LINGO2: variants seen among roughly 807,000 people sequenced by gnomAD.
LINGO2 encodes leucine-rich repeat and immunoglobulin-like domain-containing nogo receptor-interacting protein 2.
LINGO2 carries 14 observed loss-of-function variants against 30.6 expected under a neutral mutation model. The ratio of observed to expected loss-of-function variants is 0.46; its 90% CI spans 0.30 to 0.72. LINGO2 has a LOEUF of 0.72. Ranked by LOEUF, LINGO2 falls within the 30% of genes least tolerant of loss-of-function variation. LINGO2 has a pLI of 0.07. For synonymous variants in LINGO2, 317 were observed against 288.5 expected, an observed-to-expected ratio of 1.10 and a Z score of -1.00; for missense variants, 729 against 751.7, an observed-to-expected ratio of 0.97 and a Z score of 0.35.
At chr9:28,905,101 T>G in the LINGO2 span, among the ~76,000 whole-genome samples, 1 of 151,904 alleles carries the variant, frequency 6.6e-6, no homozygotes, top group African/African-American at 2.4e-5. Flanking sequence ...TGGAGCTATA[T>G]CTCACATGAT....
At chr9:29,030,202 G>T in the LINGO2 span, among the ~76,000 whole-genome samples, 3 of 152,030 alleles carry the variant, frequency 2.0e-5, no homozygotes, top group Middle Eastern at 6.8e-3. Flanking sequence ...AAAGATATTT[G>T]CCATTTTCCT....
intron 4 of LINGO2, among the ~76,000 whole-genome samples, chr9:28,150,769 A>G (rs1189452897): frequency 3.3e-5 from 5 of 152,186 alleles, no homozygotes; most frequent in African/African-American, 9.7e-5. Flanking sequence ...CCAAAATAAG[A>G]TAGTAAGCAG....
the LINGO2 span, among the ~76,000 whole-genome samples, chr9:29,187,887 AATGTAGCTG>A: frequency 0.021 from 3,200 of 151,122 alleles, 53 homozygotes; most frequent in Middle Eastern, 0.048. Context: ...CTTTACCAGA[AATGTAGCTG>A]ATGTCAGCAT....
chr9:28,675,126 C>T (rs78273651), upstream of LINGO2, among the ~76,000 whole-genome samples: 1,253 of 152,090 alleles, frequency 8.2e-3, 30 homozygotes, highest in Admixed American at 0.036. Context: ...TAATTTATTC[C>T]TCAAGAAATA....
chr9:28,473,898 G>GA (rs202071273), intron 2 of LINGO2, among the ~76,000 whole-genome samples: 72 of 150,758 alleles, frequency 4.8e-4, no homozygotes, highest in East Asian at 7.8e-4. Context: ...GCACTGCTAA[G>GA]AAAAAAAAAC....
chr9:27,986,001 G>T (rs1563883621), intron 5 of LINGO2, among the ~76,000 whole-genome samples: 1 of 151,778 alleles, frequency 6.6e-6, no homozygotes. Flanking sequence ...CAAAGGAGAG[G>T]CAATGTTATT....
At chr9:28,373,707 C>G (rs1449817105) in intron 2 of LINGO2, among the ~76,000 whole-genome samples, 1 of 152,028 alleles carries the variant, frequency 6.6e-6, no homozygotes, top group Non-Finnish European at 1.5e-5. Flanking sequence ...CAAGACCAGC[C>G]TGGCCAACAT....
intron 5 of LINGO2, among the ~76,000 whole-genome samples, chr9:28,003,346 G>GATATATAGATAT: frequency 1.2e-5 from 1 of 81,628 alleles, no homozygotes; most frequent in African/African-American, 5.6e-5. Context: ...TAGATATATA[G>GATATATAGATAT]ATAGATAGAT....
At chr9:28,487,062 GA>G (rs759012345) in intron 1 of LINGO2, among the ~76,000 whole-genome samples, 1 of 152,090 alleles carries the variant, frequency 6.6e-6, no homozygotes, top group Non-Finnish European at 1.5e-5. Flanking sequence ...ACCATAGAAA[GA>G]AAAAGTGGAG....
chr9:27,948,978 A>G, exon 6 of LINGO2: 1 of 1,614,026 alleles, frequency 6.2e-7, no homozygotes, highest in Non-Finnish European at 8.5e-7. Flanking sequence ...TCGGCTCCAC[A>G]CAAAAAGGAG....
At chr9:29,034,082 CA>C in the LINGO2 span, among the ~76,000 whole-genome samples, 6 of 141,270 alleles carry the variant, frequency 4.2e-5, no homozygotes, top group Admixed American at 7.1e-5. Context: ...GATTCCACCT[CA>C]AAAAAAAAAG....
At chr9:28,483,474 C>G (rs1826053878) in intron 1 of LINGO2, among the ~76,000 whole-genome samples, 1 of 151,534 alleles carries the variant, frequency 6.6e-6, no homozygotes. Flanking sequence ...TGAGTTCCAT[C>G]ATGGAACTTT....
At chr9:29,078,892 T>C in the LINGO2 span, among the ~76,000 whole-genome samples, 3 of 151,924 alleles carry the variant, frequency 2.0e-5, no homozygotes, top group Admixed American at 2.0e-4. Context: ...GCTGAATTTT[T>C]TTTAACAATT....
chr9:28,524,385 A>C (rs1820936150), intron 1 of LINGO2, among the ~76,000 whole-genome samples: 1 of 152,226 alleles, frequency 6.6e-6, no homozygotes, highest in South Asian at 2.1e-4. Context: ...CATCAAAAGC[A>C]CACATAATAA....
At chr9:28,939,216 G>GA in the LINGO2 span, among the ~76,000 whole-genome samples, 1 of 151,792 alleles carries the variant, frequency 6.6e-6, no homozygotes, top group Admixed American at 6.6e-5. Context: ...TGACAACAGT[G>GA]AAAAAGTGAC....
At chr9:29,026,332 T>C in the LINGO2 span, among the ~76,000 whole-genome samples, 2 of 152,236 alleles carry the variant, frequency 1.3e-5, no homozygotes, top group South Asian at 4.1e-4. Context: ...CCATGATGAG[T>C]TGCTTAAAGG....
At chr9:28,803,313 G>A in the LINGO2 span, among the ~76,000 whole-genome samples, 33 of 151,382 alleles carry the variant, frequency 2.2e-4, no homozygotes, top group Non-Finnish European at 3.7e-4. Context: ...GTGTGTGTGT[G>A]TGAGTGTGTT....
chr9:28,626,530 C>T (rs999266928), intron 1 of LINGO2, among the ~76,000 whole-genome samples: 9 of 152,008 alleles, frequency 5.9e-5, no homozygotes, highest in African/African-American at 1.7e-4. Context: ...GTTAGTAGTA[C>T]AAATTAAAGT....
At chr9:28,383,062 A>G (rs774079457) in intron 2 of LINGO2, among the ~76,000 whole-genome samples, 2 of 152,028 alleles carry the variant, frequency 1.3e-5, no homozygotes, top group African/African-American at 2.4e-5. Context: ...GCTAAGCCCA[A>G]TCCAGAGCTA....
Sources: gnomAD v4.1 joint callset for allele counts (sites outside exome capture counted in the v4.1 genomes callset) on GRCh38, gnomAD v4.1.1 for gene constraint, MANE v1.5 for transcripts, NCBI Gene and HGNC (gene_info 2026-07-23, HGNC 2026-07-21) for gene names.